The following STXBP5L variants were observed in gnomAD, a reference collection of about 807,000 sequenced individuals.
STXBP5L encodes syntaxin binding protein 5L.
Under a neutral mutation model 144.5 loss-of-function variants are expected in STXBP5L, and 65 were observed. That is an observed-to-expected ratio of 0.45 (90% confidence interval 0.37 to 0.55). STXBP5L has a LOEUF of 0.55. Ranked by LOEUF, STXBP5L falls within the 20% of genes least tolerant of loss-of-function variation. The pLI is 0.00. For missense variants in STXBP5L, 1,298 were observed against 1,405.5 expected, an observed-to-expected ratio of 0.92 and a Z score of 1.22; for synonymous variants, 505 against 469.6, an observed-to-expected ratio of 1.08 and a Z score of -0.97.
Position 121,111,515 on chromosome 3 carries a change from A to C in STXBP5L, c.471-3410A>C, listed in dbSNP as rs570783800. On this transcript the variant is annotated intron_variant, in intron 5 of 26. Coordinates refer to ENST00000471454, the MANE Select transcript of STXBP5L (RefSeq NM_001308330.2). ...CTGGTTTGTTGGGGGTCCACTCCAGACCCTATTTGCCTGGGTCCCTCCCAC... is the reference window on the plus strand; with the variant it reads ...CTGGTTTGTTGGGGGTCCACTCCAGCCCCTATTTGCCTGGGTCCCTCCCAC... 1.6e-4 allele frequency among the ~76,000 whole-genome samples: 25 copies of C among 152,176 alleles called. No homozygotes were observed. The South Asian group carries it at 5.2e-3, about 32-fold the overall frequency.
chr3:120,926,356 C>CTTTT (rs35029446), intron 2 of STXBP5L, among the ~76,000 whole-genome samples: 19 of 139,732 alleles, frequency 1.4e-4, no homozygotes, highest in Non-Finnish European at 1.8e-4. Context: ...GATGGCAGTT[C>CTTTT]TTTTTTTTTT....
At chr3:121,157,853 G>C in intron 9 of STXBP5L, 1 of 497,178 alleles carries the variant, frequency 2.0e-6, no homozygotes, top group Non-Finnish European at 3.3e-6. Flanking sequence ...CTGTAGTTAT[G>C]TACTGTCCCA....
intron 2 of STXBP5L, among the ~76,000 whole-genome samples, chr3:120,933,210 GAAAT>G (rs777114396): frequency 2.4e-4 from 36 of 151,998 alleles, no homozygotes; most frequent in African/African-American, 7.7e-4. Context: ...AATAAAAAAA[GAAAT>G]AAAATTAAAT....
At chr3:121,042,724 A>G (rs1947246838) in intron 4 of STXBP5L, among the ~76,000 whole-genome samples, 1 of 152,160 alleles carries the variant, frequency 6.6e-6, no homozygotes, top group African/African-American at 2.4e-5. Flanking sequence ...GATATTGGCA[A>G]ATGTTCACTT....
chr3:121,285,660 G>A (rs1243185931), intron 19 of STXBP5L, among the ~76,000 whole-genome samples: 2 of 151,996 alleles, frequency 1.3e-5, no homozygotes. Context: ...GCAGAAAAAC[G>A]CTTTGAAAAG....
At chr3:121,353,563 T>C (rs983740439) in intron 20 of STXBP5L, among the ~76,000 whole-genome samples, 1 of 152,184 alleles carries the variant, frequency 6.6e-6, no homozygotes, top group Non-Finnish European at 1.5e-5. Context: ...TCTATTTGAT[T>C]CTTCTCTCTT....
At chr3:121,378,650 C>G (rs182808568) in intron 20 of STXBP5L, 66 bp from the exon 21 acceptor site, 1 of 1,483,290 alleles carries the variant, frequency 6.7e-7, no homozygotes, top group Non-Finnish European at 9.1e-7. Context: ...TTAATCTACA[C>G]GCTTGTATTC....
intron 6 of STXBP5L, among the ~76,000 whole-genome samples, chr3:121,118,732 C>G (rs1261320494): frequency 6.6e-6 from 1 of 151,112 alleles, no homozygotes; most frequent in East Asian, 1.9e-4. Context: ...TGGAGATAAA[C>G]CAACATATTA....
intron 3 of STXBP5L, among the ~76,000 whole-genome samples, chr3:120,964,693 A>G (rs1191507497): frequency 6.6e-6 from 1 of 152,174 alleles, no homozygotes; most frequent in Non-Finnish European, 1.5e-5. Flanking sequence ...AGTTCCAATT[A>G]TGTGGCCAAT....
chr3:121,200,129 G>T (rs141021874), intron 9 of STXBP5L, among the ~76,000 whole-genome samples: 18,302 of 152,024 alleles, frequency 0.12, 1,159 homozygotes, highest in Non-Finnish European at 0.14. Context: ...TTTTTGGTTG[G>T]TAGGCTATTA....
At chr3:120,978,890 A>G (rs1941409714) in intron 3 of STXBP5L, among the ~76,000 whole-genome samples, 1 of 152,076 alleles carries the variant, frequency 6.6e-6, no homozygotes, top group Non-Finnish European at 1.5e-5. Flanking sequence ...CTGCTGTCTG[A>G]TCGTTCCTCT....
At chr3:121,270,060 T>C (rs2050691191) in intron 18 of STXBP5L, among the ~76,000 whole-genome samples, 1 of 152,182 alleles carries the variant, frequency 6.6e-6, no homozygotes, top group Non-Finnish European at 1.5e-5. Flanking sequence ...GTAAGAACCT[T>C]TGAAATTCAG....
At chr3:121,091,272 A>T (rs1326781450) in intron 5 of STXBP5L, among the ~76,000 whole-genome samples, 1 of 147,350 alleles carries the variant, frequency 6.8e-6, no homozygotes, top group South Asian at 2.2e-4. Flanking sequence ...AGCATGATTT[A>T]TAGTCCTTTG....
chr3:121,121,512 T>A (rs1312739914), intron 6 of STXBP5L, 129 bp from the exon 7 acceptor site: 3 of 554,052 alleles, frequency 5.4e-6, no homozygotes, highest in African/African-American at 1.9e-5. Flanking sequence ...AAAACTTAAG[T>A]GAATCTGAGC....
Position 121,114,957 on chromosome 3 carries a change from A to G in STXBP5L, c.503A>G (p.Lys168Arg). ...ITYCHLPFQS[K>R]WLYVGTERGN... is the part of the protein sequence containing the mutation. ...TACTGTCATCTACCTTTCCAGAGTA[A>G]ATGGCTTTATGTTGGAACAGAAAGA... Residue 168 changes from lysine (K) to arginine (R), a missense_variant, in exon 6 of 27, where the codon AAA becomes AGA. Transcript: ENST00000471454. The G allele has an allele frequency of 2.5e-6, 4 of 1,586,334 alleles. No homozygotes were observed. Among genetic ancestry groups the G allele is most frequent in the Middle Eastern group, 3.3e-4 (2 of 5,980 alleles).
At chr3:121,088,910 G>A (rs2042628255) in intron 5 of STXBP5L, among the ~76,000 whole-genome samples, 1 of 74,354 alleles carries the variant, frequency 1.3e-5, no homozygotes, top group Non-Finnish European at 2.6e-5. Context: ...CATGGACACA[G>A]GAAGGGGAAT....
chr3:120,938,509 T>C (rs978102885), intron 2 of STXBP5L, among the ~76,000 whole-genome samples: 1 of 152,162 alleles, frequency 6.6e-6, no homozygotes, highest in Non-Finnish European at 1.5e-5. Flanking sequence ...CACTGAAAGG[T>C]TGTACAGGTT....
chr3:120,920,067 A>G (rs1201765059), intron 2 of STXBP5L, among the ~76,000 whole-genome samples: 1 of 151,848 alleles, frequency 6.6e-6, no homozygotes, highest in East Asian at 1.9e-4. Context: ...AAGAACCTGG[A>G]AAATGTCTGA....
chr3:121,374,707 G>A (rs549450376), intron 20 of STXBP5L, among the ~76,000 whole-genome samples: 13 of 152,110 alleles, frequency 8.5e-5, no homozygotes, highest in African/African-American at 2.9e-4. Context: ...AGGCCAAGCA[G>A]AAGAAAGAAT....
Sources: gnomAD v4.1 joint callset for allele counts (sites outside exome capture counted in the v4.1 genomes callset) on GRCh38, gnomAD v4.1.1 for gene constraint, MANE v1.5 for transcripts, NCBI Gene and HGNC (gene_info 2026-07-23, HGNC 2026-07-21) for gene names.